The following DNAH9 variants were observed in gnomAD, a reference collection of about 807,000 sequenced individuals.
The protein encoded by DNAH9 is DNAH9 variant protein.
A neutral mutation model predicts 471.6 loss-of-function variants in DNAH9; 345 were observed. The ratio of observed to expected loss-of-function variants is 0.73; its 90% CI spans 0.67 to 0.80. The LOEUF (loss-of-function observed/expected upper bound fraction) is 0.80, where lower values mean the gene tolerates loss of function less well. DNAH9 is among the 30% of genes least tolerant of loss of function. The pLI, the probability that DNAH9 is intolerant of heterozygous loss-of-function variation, is 0.00. For missense variants in DNAH9, 5,407 were observed against 5,609.2 expected, an observed-to-expected ratio of 0.96 and a Z score of 1.15; for synonymous variants, 2,093 against 2,123.6, an observed-to-expected ratio of 0.99 and a Z score of 0.40.
At chr17:11,716,950 C>T (rs2074975468) in intron 26 of DNAH9, among the ~76,000 whole-genome samples, 1 of 152,228 alleles carries the variant, frequency 6.6e-6, no homozygotes, top group Non-Finnish European at 1.5e-5. Context: ...GCATGGGATC[C>T]ACCTGGAGCC....
At chr17:11,765,967 G>A (rs181969665) in intron 36 of DNAH9, among the ~76,000 whole-genome samples, 5 of 152,156 alleles carry the variant, frequency 3.3e-5, no homozygotes, top group Admixed American at 2.6e-4. Flanking sequence ...TCTAACTCTG[G>A]GTATAAAAAT....
chr17:11,931,567 A>G (rs1597841693), intron 63 of DNAH9, among the ~76,000 whole-genome samples: 1 of 151,856 alleles, frequency 6.6e-6, no homozygotes, highest in East Asian at 1.9e-4. Context: ...TACCCCCTGT[A>G]CTCTTTTTCC....
intron 60 of DNAH9, 131 bp from the exon 61 acceptor site, chr17:11,905,530 C>A: frequency 1.0e-6 from 1 of 964,150 alleles, no homozygotes; most frequent in Non-Finnish European, 1.5e-6. Flanking sequence ...TGGAGCCAGT[C>A]CTAGCTCTAT....
intron 50 of DNAH9, among the ~76,000 whole-genome samples, chr17:11,859,084 C>CCAAAA (rs1971731484): frequency 1.6e-5 from 1 of 64,374 alleles, no homozygotes; most frequent in Non-Finnish European, 2.8e-5. Flanking sequence ...AACCCCGTCT[C>CCAAAA]AAAAAAAAAA....
intron 62 of DNAH9, among the ~76,000 whole-genome samples, chr17:11,928,449 A>G (rs1052322855): frequency 2.6e-5 from 4 of 152,260 alleles, no homozygotes; most frequent in Non-Finnish European, 4.4e-5. Context: ...TTGCATGCTT[A>G]CTTCCTCAAA....
rs566440567 is a variant in DNAH9, at chr17:11,638,614, C to T, written c.1787-1656C>T. Among the ~76,000 whole-genome samples the T allele has an allele frequency of 6.6e-5, 10 of 152,082 alleles. No homozygotes were observed. In the East Asian group the frequency reaches 9.7e-4, roughly 15 times the overall value. The stretch of plus-strand genomic sequence containing the variant: ...GTTGGTCAGGCTGATCTCGAACTCT[C>T]GACCTTATGATCTGCCTGCCTCAGC... On this transcript the variant is annotated intron_variant, in intron 9 of 68. Transcript: ENST00000262442.
intron 19 of DNAH9, among the ~76,000 whole-genome samples, chr17:11,687,838 T>C (rs921678547): frequency 6.6e-6 from 1 of 151,724 alleles, no homozygotes; most frequent in Non-Finnish European, 1.5e-5. Flanking sequence ...CCCTTGACCA[T>C]AAAAAAGCCA....
chr17:11,614,799 A>G (rs1408139506), intron 4 of DNAH9, among the ~76,000 whole-genome samples: 2 of 152,096 alleles, frequency 1.3e-5, no homozygotes, highest in African/African-American at 2.4e-5. Context: ...GCCAAACTCT[A>G]TGTGAAGCCT....
At chr17:11,955,876 A>C (rs554247922) in intron 67 of DNAH9, among the ~76,000 whole-genome samples, 4 of 152,376 alleles carry the variant, frequency 2.6e-5, no homozygotes, top group African/African-American at 9.6e-5. Flanking sequence ...TCTTTCTAGC[A>C]CATCCAAAAT....
chr17:11,798,432 CAAAAAAAAAAAAAAA>C (rs71142247), intron 43 of DNAH9, among the ~76,000 whole-genome samples: 1 of 61,598 alleles, frequency 1.6e-5, no homozygotes, highest in Non-Finnish European at 3.0e-5. Context: ...GACTCTGCCT[CAAAAAAAAAAAAAAA>C]AAAAAAAAAA....
chr17:11,955,061 G>T (rs1426854678), intron 67 of DNAH9, among the ~76,000 whole-genome samples: 1 of 152,176 alleles, frequency 6.6e-6, no homozygotes, highest in Admixed American at 6.5e-5. Context: ...GATTCTTACA[G>T]CATATGTGGA....
At chr17:11,893,256 C>T (rs527925228) in intron 58 of DNAH9, among the ~76,000 whole-genome samples, 4 of 151,634 alleles carry the variant, frequency 2.6e-5, no homozygotes, top group Non-Finnish European at 4.4e-5. Context: ...CTTTTCTCTC[C>T]CCTGTACACA....
At chr17:11,839,503 G>A (rs1284107186) in intron 49 of DNAH9, among the ~76,000 whole-genome samples, 1 of 150,362 alleles carries the variant, frequency 6.7e-6, no homozygotes, top group Admixed American at 6.6e-5. Flanking sequence ...GCAACAGAGC[G>A]AGACTCTGTC....
At chr17:11,761,603 G>A (rs1967668957) in intron 35 of DNAH9, among the ~76,000 whole-genome samples, 1 of 152,130 alleles carries the variant, frequency 6.6e-6, no homozygotes, top group African/African-American at 2.4e-5. Context: ...CTGGATTCCA[G>A]GAGATGCTTG....
Position 11,886,737 on chromosome 17 carries a change from G to A in DNAH9, c.10972-88G>A, listed in dbSNP as rs112175864. The A allele has an allele frequency of 2.1e-3, 3,094 of 1,468,446 alleles. 45 individuals carry two copies. In the African/African-American group the frequency reaches 0.036, roughly 17 times the overall value. 91.0% of individuals were successfully genotyped at this position (1,468,446 alleles called of 1,614,324 possible). A position where few individuals can be genotyped will look rare whatever the true frequency, so the allele number is the denominator to read the frequency against. On this transcript the variant is annotated intron_variant, in intron 56 of 68. Transcript: ENST00000262442. ...TCTTCACTCCATCCCCTAAGCAGAC[G>A]CATGTCTACTCACACAGAGGGGCCA...
At chr17:11,625,350 C>G (rs1419883055) in intron 6 of DNAH9, among the ~76,000 whole-genome samples, 1 of 152,188 alleles carries the variant, frequency 6.6e-6, no homozygotes, top group Admixed American at 6.5e-5. Context: ...TCCTTTTGCT[C>G]TTTCTACCAT....
At chr17:11,829,928 T>G (rs1970630920) in intron 48 of DNAH9, among the ~76,000 whole-genome samples, 1 of 152,250 alleles carries the variant, frequency 6.6e-6, no homozygotes, top group Non-Finnish European at 1.5e-5. Context: ...CATTGTGACA[T>G]AGTCACATCA....
Position 11,695,223 on chromosome 17 carries a change from G to C in DNAH9, c.4872+776G>C, listed in dbSNP as rs185245228. 2.6e-5 allele frequency among the ~76,000 whole-genome samples: 4 copies of C among 152,142 alleles called. No homozygotes were observed. In the East Asian group the frequency reaches 5.8e-4, roughly 22 times the overall value. ...TTTCTTAATCCCCATCAGTATTGCT[G>C]CTCAGCATGCCCTCTGGCCCATCAG... On this transcript the variant is annotated intron_variant, in intron 22 of 68. Coordinates refer to ENST00000262442, the MANE Select transcript of DNAH9 (RefSeq NM_001372.4).
At chr17:11,691,500 C>G (rs1242748809) in intron 20 of DNAH9, among the ~76,000 whole-genome samples, 1 of 152,152 alleles carries the variant, frequency 6.6e-6, no homozygotes, top group African/African-American at 2.4e-5. Flanking sequence ...CATTTACTTT[C>G]CCTGTAATAA....
Sources: gnomAD v4.1 joint callset for allele counts (sites outside exome capture counted in the v4.1 genomes callset) on GRCh38, gnomAD v4.1.1 for gene constraint, MANE v1.5 for transcripts, NCBI Gene and HGNC (gene_info 2026-07-23, HGNC 2026-07-21) for gene names.